Variants in PCID2 observed in about 807,000 individuals in gnomAD.
The protein encoded by PCID2 is PCI domain containing 2, also known as PCI domain-containing protein 2.
In PCID2, 41 loss-of-function variants were observed where a neutral mutation model predicts 61.3. That is an observed-to-expected ratio of 0.67 (90% CI 0.52 to 0.87). The LOEUF is 0.87. Ranked by LOEUF, PCID2 falls within the 40% of genes least tolerant of loss-of-function variation. PCID2 has a pLI of 0.00. For missense variants in PCID2, 392 were observed against 493.4 expected (o/e 0.79, Z 1.95); for synonymous variants, 187 against 177.8 (o/e 1.05, Z -0.41).
intron 1 of PCID2, 162 bp from the exon 2 acceptor site, chr13:113,200,678 G>A (rs2039355104): frequency 1.1e-5 from 5 of 465,734 alleles, no homozygotes. Context: ...ACTCTCTGCA[G>A]TGGGTAAACA....
At chr13:113,172,776 T>C (rs2138616851), downstream of PCID2, among the ~76,000 whole-genome samples, 1 of 152,322 alleles carries the variant, frequency 6.6e-6, no homozygotes, top group African/African-American at 2.4e-5. Flanking sequence ...GGCTGAGCAC[T>C]GAGACCCAGC....
chr13:113,197,315 C>T, intron 3 of PCID2, 72 bp from the exon 4 acceptor site: 2 of 1,045,868 alleles, frequency 1.9e-6, no homozygotes, highest in Non-Finnish European at 3.0e-6. Context: ...ACACAGCTCA[C>T]TTCATTGCAC....
chr13:113,197,488 A>G (rs1232529896), intron 3 of PCID2, among the ~76,000 whole-genome samples: 1 of 152,254 alleles, frequency 6.6e-6, no homozygotes, highest in Non-Finnish European at 1.5e-5. Flanking sequence ...ACACATGTTG[A>G]TAACATAGTA....
At chr13:113,205,127 CT>C (rs1222362367) in intron 1 of PCID2, among the ~76,000 whole-genome samples, 1 of 152,220 alleles carries the variant, frequency 6.6e-6, no homozygotes, top group African/African-American at 2.4e-5. Context: ...AATAGTCAAA[CT>C]TTCCAATTCC....
At chr13:113,169,380 T>C in the PCID2 span, among the ~76,000 whole-genome samples, 1 of 152,386 alleles carries the variant, frequency 6.6e-6, no homozygotes, top group Non-Finnish European at 1.5e-5. Context: ...CACTGTTTAA[T>C]TGTCCTTGTC....
chr13:113,198,309 C>T (rs779358632), intron 2 of PCID2, 45 bp from the exon 3 acceptor site: 108 of 1,154,390 alleles, frequency 9.4e-5, no homozygotes, highest in Non-Finnish European at 1.3e-4. Flanking sequence ...TTAATAGGCA[C>T]AGAAAGAATG....
the PCID2 span, among the ~76,000 whole-genome samples, chr13:113,165,723 G>A: frequency 2.0e-5 from 3 of 152,112 alleles, no homozygotes; most frequent in African/African-American, 2.4e-5. Context: ...TAGAGACGGG[G>A]TTTCACCATG....
intron 1 of PCID2, among the ~76,000 whole-genome samples, chr13:113,204,554 T>A (rs9603812): frequency 0.042 from 6,415 of 152,190 alleles, 493 homozygotes; most frequent in African/African-American, 0.15. Flanking sequence ...CATCCTGGGC[T>A]CTGCTTGGCC....
chr13:113,197,752 A>G (rs1226709556), intron 3 of PCID2, among the ~76,000 whole-genome samples: 1 of 152,222 alleles, frequency 6.6e-6, no homozygotes, highest in East Asian at 1.9e-4. Flanking sequence ...AAAGACAGTA[A>G]TCAAATCTCA....
Position 113,178,968 on chromosome 13 carries a change from T to C in PCID2, c.1108A>G (p.Met370Val), listed in dbSNP as rs755266653. 65 of 1,612,494 alleles carry C rather than the reference T, an allele frequency of 4.0e-5. 1 individual carries two copies. In the Middle Eastern group the frequency reaches 1.2e-3, roughly 29 times the overall value. The change falls in exon 13 of 14, where the codon ATG becomes GTG. Residue 370 changes from methionine to valine, a missense_variant and splice_region_variant. This residue lies in a region of PCID2 where 226 missense variants were observed against 296.5 expected (regional missense o/e 0.76). Coordinates refer to ENST00000337344, the MANE Select transcript of PCID2 (RefSeq NM_001127202.4). The part of the protein sequence containing the change: ...VQCILANLIY[M>V]GHVKGYISHQ... ...AATTAAAACCAGGACTCACACACCA[T>C]GTATATCAAGTTAGCCAGAATACAC... is the stretch of plus-strand genomic sequence containing the variant.
At chr13:113,171,494 G>C in the PCID2 span, 2 of 1,491,688 alleles carry the variant, frequency 1.3e-6, no homozygotes, top group Non-Finnish European at 9.2e-7. This position sits in a 1 kb window ranked among gnomAD's most constrained non-coding sequence, Gnocchi z 5.1. Context: ...CTCCAGGGCC[G>C]GTCTCTCCCT....
chr13:113,172,777 G>C (rs995822008), downstream of PCID2, among the ~76,000 whole-genome samples: 1 of 152,222 alleles, frequency 6.6e-6, no homozygotes, highest in Non-Finnish European at 1.5e-5. Context: ...GCTGAGCACT[G>C]AGACCCAGCT....
In PCID2 at chr13:113,178,162, A is replaced by G. The variant is rs751373609; in HGVS notation, c.*36T>C. 7.9e-6 allele frequency: 12 copies of G among 1,521,410 alleles called. No homozygotes were observed. The highest frequency in any genetic ancestry group is 1.4e-5 in the African/African-American group (1 of 73,034). The allele number at this position is 1,521,410 out of a possible 1,614,324, so 94.2% of individuals were successfully genotyped here. A position where few individuals can be genotyped will look rare whatever the true frequency, so the allele number is the denominator to read the frequency against. On this transcript the variant is annotated 3_prime_UTR_variant, in exon 14 of 14. Transcript: ENST00000337344. ...ATCAGCACAACCAAAGTGGAAAGAA[A>G]CAACTGCTCACCCGTCCTCGGGGCT... is the stretch of plus-strand genomic sequence containing the variant.
In PCID2 at chr13:113,200,516, C is replaced by T. The variant is rs1431265907; in HGVS notation, c.37G>A (p.Val13Met). ...HITINQYLQQVYEAIDSRDGA... is the reference protein window; with the variant it reads ...HITINQYLQQMYEAIDSRDGA... ...TCTCTGCTGTCGATGGCTTCGTACA[C>T]CTGAAACATTTGAAAGGGAAACCTA... Residue 13 changes from valine (V) to methionine (M), a missense_variant and splice_region_variant, in exon 2 of 14, where the codon GTG becomes ATG. This residue lies in a region of PCID2 where 155 missense variants were observed against 164.9 expected (regional missense o/e 0.94). Transcript: ENST00000337344. The T allele has an allele frequency of 6.2e-7, 1 of 1,604,210 alleles. No individual in the cohort carries two copies. Among genetic ancestry groups the T allele is most frequent in the Admixed American group, 1.7e-5 (1 of 60,000 alleles).
At chr13:113,169,663 A>G in the PCID2 span, among the ~76,000 whole-genome samples, 2 of 152,376 alleles carry the variant, frequency 1.3e-5, no homozygotes, top group South Asian at 4.1e-4. Flanking sequence ...TGACTACTGA[A>G]GTGAAACCCT....
At chr13:113,196,417 T>C (rs990693416) in intron 4 of PCID2, among the ~76,000 whole-genome samples, 195 bp from the exon 5 acceptor site, 3 of 152,368 alleles carry the variant, frequency 2.0e-5, no homozygotes, top group Non-Finnish European at 2.9e-5. Flanking sequence ...GGCTCAAGTA[T>C]ACTAAATACA....
chr13:113,205,221 G>A (rs1453163394), intron 1 of PCID2, among the ~76,000 whole-genome samples: 1 of 152,096 alleles, frequency 6.6e-6, no homozygotes, highest in Admixed American at 6.5e-5. Context: ...CCTAAATAAA[G>A]ATGTTCACTA....
In PCID2 at chr13:113,179,102, A is replaced by C; in HGVS notation, c.987-13T>G. 1 of 1,611,970 alleles carries C rather than the reference A, an allele frequency of 6.2e-7. No individual in the cohort carries two copies. Among genetic ancestry groups the C allele is most frequent in the Non-Finnish European group, 8.5e-7 (1 of 1,178,902 alleles). On this transcript the variant is annotated splice_polypyrimidine_tract_variant and intron_variant, in intron 12 of 13. Coordinates refer to ENST00000337344, the MANE Select transcript of PCID2 (RefSeq NM_001127202.4). The surrounding 1 kb of genome is among the most constrained non-coding windows in gnomAD (Gnocchi z 4.3). ...CAGTAACAAATACCTGGAAGAGGGG[A>C]GGAGAAGGGCACTGTGGTTACCGAC...
intron 7 of PCID2, among the ~76,000 whole-genome samples, chr13:113,189,604 TG>T (rs1296018006): frequency 2.0e-5 from 3 of 149,806 alleles, no homozygotes; most frequent in African/African-American, 7.4e-5. Context: ...GAAGAAAAAA[TG>T]GAAATTCTAA....
Sources: gnomAD v4.1 joint callset for allele counts (sites outside exome capture counted in the v4.1 genomes callset) on GRCh38, gnomAD v4.1.1 for gene constraint, gnomAD v4.1.1 regional missense constraint, Gnocchi (gnomAD v3.1) non-coding constraint, MANE v1.5 for transcripts, NCBI Gene and HGNC (gene_info 2026-07-23, HGNC 2026-07-21) for gene names.